RYR3: variants seen among roughly 807,000 people sequenced by gnomAD.
RYR3 encodes the protein brain ryanodine receptor-calcium release channel.
A neutral mutation model predicts 584.3 loss-of-function variants in RYR3; 207 were observed. The ratio of observed to expected loss-of-function variants is 0.35; its 90% confidence interval spans 0.32 to 0.40. The LOEUF (loss-of-function observed/expected upper bound fraction) is 0.40, where lower values mean the gene tolerates loss of function less well. RYR3 is among the 10% of genes least tolerant of loss of function. The pLI, the probability that RYR3 is intolerant of heterozygous loss-of-function variation, is 1.00. For missense variants in RYR3, 5,616 were observed against 6,089.2 expected, an observed-to-expected ratio of 0.92 and a Z score of 2.59; for synonymous variants, 2,416 against 2,248.5, an observed-to-expected ratio of 1.07 and a Z score of -2.11.
At chr15:33,426,854 G>C (rs562093896) in intron 1 of RYR3, among the ~76,000 whole-genome samples, 3 of 152,308 alleles carry the variant, frequency 2.0e-5, no homozygotes, top group Admixed American at 6.5e-5. Context: ...GTTCTGGTGA[G>C]AGCCCTGTTC....
intron 64 of RYR3, among the ~76,000 whole-genome samples, chr15:33,777,791 A>AGG: frequency 6.8e-6 from 1 of 147,102 alleles, no homozygotes. Flanking sequence ...GAAAGAGGAA[A>AGG]AAAAAAAAAA....
chr15:33,717,909 C>T (rs945201085), intron 43 of RYR3, among the ~76,000 whole-genome samples: 3 of 152,276 alleles, frequency 2.0e-5, no homozygotes, highest in Non-Finnish European at 4.4e-5. Flanking sequence ...GTTCTCTGTG[C>T]TATCACAGTG....
chr15:33,845,074 G>T lies in RYR3; in HGVS notation c.13497+12G>T, dbSNP rs1387770285. 6.2e-7 allele frequency: 1 copy of T among 1,613,262 alleles called. No individual in the cohort carries two copies. Among genetic ancestry groups the T allele is most frequent in the Non-Finnish European group, 8.5e-7 (1 of 1,179,494 alleles). On this transcript the variant is annotated intron_variant, in intron 93 of 103. Transcript: ENST00000634891. ...ACTACTGCCTGAAGGTGAGCTGTTT[G>T]CCACTCTGGATCTAATCTCACTCCT...
intron 1 of RYR3, among the ~76,000 whole-genome samples, chr15:33,375,378 T>C (rs752495135): frequency 2.0e-5 from 3 of 152,214 alleles, no homozygotes; most frequent in Non-Finnish European, 4.4e-5. Context: ...CCTAGTCGGC[T>C]GCAATCAGTG....
chr15:33,324,344 G>A (rs1338410856), intron 1 of RYR3, among the ~76,000 whole-genome samples: 3 of 152,116 alleles, frequency 2.0e-5, no homozygotes, highest in South Asian at 2.1e-4. Context: ...GGAAGGAAGG[G>A]TACTCTAAAA....
intron 8 of RYR3, among the ~76,000 whole-genome samples, chr15:33,547,064 C>G (rs1391584452): frequency 6.6e-6 from 1 of 152,156 alleles, no homozygotes; most frequent in Non-Finnish European, 1.5e-5. Flanking sequence ...GAGACATGCT[C>G]TTAAACTGTG....
At chr15:33,711,445 G>C (rs892403317) in intron 43 of RYR3, among the ~76,000 whole-genome samples, 2 of 151,796 alleles carry the variant, frequency 1.3e-5, no homozygotes, top group Non-Finnish European at 2.9e-5. Context: ...GGGTTTCACC[G>C]TGTTAGCCAG....
At chr15:33,530,724 G>A in intron 4 of RYR3, 58 bp downstream of exon 4, 1 of 1,239,844 alleles carries the variant, frequency 8.1e-7, no homozygotes, top group Non-Finnish European at 1.2e-6. Flanking sequence ...CTGAAGAGGG[G>A]GAAATACAGG....
At position 33,865,553 on chromosome 15, in the gene RYR3, G is replaced by C. The variant is rs180758529; in HGVS notation, c.*327G>C. 4.0e-6 allele frequency: 1 copy of C among 249,144 alleles called. No homozygotes were observed. The highest frequency in any genetic ancestry group is 8.5e-5 in the East Asian group (1 of 11,822). The allele number at this position is 249,144 out of a possible 1,614,324, so 15.4% of individuals were successfully genotyped here. The stretch of plus-strand genomic sequence containing the variant: ...AAGCATGAAGGAAAGGGCTAGAGAA[G>C]TATGAAATCTCGAATGTGTAATACC... On this transcript the variant is annotated 3_prime_UTR_variant, in exon 104 of 104. Transcript: ENST00000634891.
intron 94 of RYR3, chr15:33,852,053 G>C (rs2079159266): frequency 7.8e-6 from 1 of 128,596 alleles, no homozygotes; most frequent in East Asian, 2.4e-4. Flanking sequence ...CCTGTTGGGG[G>C]AGAGGCGGCA....
chr15:33,726,287 C>T (rs2068449802), intron 45 of RYR3, 99 bp from the exon 46 acceptor site: 3 of 1,350,538 alleles, frequency 2.2e-6, no homozygotes, highest in Admixed American at 2.2e-5. Context: ...AAATGGACCC[C>T]TGCCCTTAAG....
chr15:33,757,783 T>C (rs1355378095), intron 60 of RYR3, 187 bp downstream of exon 60: 3 of 643,398 alleles, frequency 4.7e-6, no homozygotes, highest in Non-Finnish European at 8.0e-6. Context: ...AATTGAGGTA[T>C]ACTGTGTGGG....
At chr15:33,488,152 T>C (rs1232728562) in intron 2 of RYR3, among the ~76,000 whole-genome samples, 1 of 152,204 alleles carries the variant, frequency 6.6e-6, no homozygotes, top group African/African-American at 2.4e-5. Context: ...CTTGAGGCAA[T>C]ACCAAACCCC....
chr15:33,709,498 C>T (rs780141099), intron 43 of RYR3, among the ~76,000 whole-genome samples: 1 of 152,140 alleles, frequency 6.6e-6, no homozygotes, highest in Non-Finnish European at 1.5e-5. Flanking sequence ...AACTTAATCC[C>T]GAGAGTTGGG....
rs1345420089 is a variant in RYR3 at position 33,613,292 on chromosome 15, T to C, written c.2274T>C (p.Asn758=). 1 of 1,613,980 alleles carries C rather than the reference T, an allele frequency of 6.2e-7. No individual in the cohort carries two copies. Among genetic ancestry groups the C allele is most frequent in the East Asian group, 2.2e-5 (1 of 44,868 alleles). The change falls in exon 19 of 104, where the codon AAT becomes AAC. Residue 758 remains asparagine (N), a synonymous_variant. Coordinates refer to ENST00000634891, the MANE Select transcript of RYR3 (RefSeq NM_001036.6). The part of the protein sequence containing the change: ...LGVPSISFRI[N]GQPVQGMFEN... ...TGCCCAGCATCTCATTCCGCATCAATGGGCAGCCCGTGCAGGGGATGTTTG... is the reference window on the plus strand; with the variant it reads ...TGCCCAGCATCTCATTCCGCATCAACGGGCAGCCCGTGCAGGGGATGTTTG...
At chr15:33,623,661 T>C in intron 19 of RYR3, 146 bp from the exon 20 acceptor site, 2 of 626,430 alleles carry the variant, frequency 3.2e-6, no homozygotes, top group Non-Finnish European at 2.8e-6. Context: ...TACTGGATGA[T>C]GTTTGCTGTG....
chr15:33,684,570 G>A (rs2064857460), intron 38 of RYR3, among the ~76,000 whole-genome samples: 1 of 152,084 alleles, frequency 6.6e-6, no homozygotes, highest in East Asian at 1.9e-4. Context: ...AGCAAGGCAG[G>A]CCAACAATCA....
In RYR3 at chr15:33,845,119, T is replaced by C. The variant is rs910925198; in HGVS notation, c.13497+57T>C. 1.0e-5 allele frequency: 16 copies of C among 1,576,110 alleles called. No homozygotes were observed. The African/African-American group carries it at 1.6e-4, about 16-fold the overall frequency. ...ACTCCTTGAGGAAGAAATGTCCTTT[T>C]TGAGCCCAGCCAGCCCTTTGCTCTA... On this transcript the variant is annotated intron_variant, in intron 93 of 103. Transcript: ENST00000634891.
At chr15:33,505,851 C>T (rs962028885) in intron 3 of RYR3, among the ~76,000 whole-genome samples, 61 of 152,044 alleles carry the variant, frequency 4.0e-4, no homozygotes, top group African/African-American at 1.4e-3. Flanking sequence ...ATAAAGAAAT[C>T]TTTGCTGAGG....
Sources: gnomAD v4.1 joint callset for allele counts (sites outside exome capture counted in the v4.1 genomes callset) on GRCh38, gnomAD v4.1.1 for gene constraint, MANE v1.5 for transcripts, NCBI Gene and HGNC (gene_info 2026-07-23, HGNC 2026-07-21) for gene names.